Variants in SH3RF2 observed in about 807,000 individuals in gnomAD.
The protein encoded by SH3RF2 is SH3 domain containing ring finger 2, also known as E3 ubiquitin-protein ligase SH3RF2.
SH3RF2 carries 43 observed loss-of-function variants against 59.0 expected under a neutral mutation model. That is an observed-to-expected ratio of 0.73 (90% CI 0.57 to 0.94). The LOEUF is 0.94. Ranked by LOEUF, SH3RF2 falls within the 40% of genes least tolerant of loss-of-function variation. The probability of loss-of-function intolerance (pLI) is 0.00; values close to 1 mark genes in which losing one functional copy is unlikely to be tolerated. For missense variants in SH3RF2, 930 were observed against 940.1 expected (o/e 0.99, Z 0.14); for synonymous variants, 391 against 391.5 (o/e 1.00, Z 0.01).
At chr5:146,047,733 T>C in intron 5 of SH3RF2, 39 bp from the exon 6 acceptor site, 1 of 1,599,344 alleles carries the variant, frequency 6.3e-7, no homozygotes, top group Non-Finnish European at 8.6e-7. Context: ...GGTTGTGGCA[T>C]TCATTGGTTC....
chr5:145,979,146 G>T (rs1325393117), intron 2 of SH3RF2, among the ~76,000 whole-genome samples: 1 of 152,140 alleles, frequency 6.6e-6, no homozygotes, highest in South Asian at 2.1e-4. Context: ...TAGAACAATA[G>T]TTCCCAAAGT....
intron 2 of SH3RF2, among the ~76,000 whole-genome samples, chr5:145,939,712 G>A (rs1757739431): frequency 6.6e-6 from 1 of 152,110 alleles, no homozygotes. Flanking sequence ...GGCGAAGTAG[G>A]GGTGGGGAAG....
chr5:146,063,496 A>G (rs1478192164), downstream of SH3RF2, among the ~76,000 whole-genome samples: 2 of 152,258 alleles, frequency 1.3e-5, no homozygotes, highest in East Asian at 3.8e-4. Context: ...TCTGACTTCA[A>G]GAAAACACAG....
intron 4 of SH3RF2, among the ~76,000 whole-genome samples, chr5:146,009,729 T>C (rs1760798226): frequency 6.6e-6 from 1 of 152,190 alleles, no homozygotes; most frequent in Admixed American, 6.6e-5. Flanking sequence ...AAAATGGACA[T>C]AATAATGCTC....
At chr5:146,023,947 T>G (rs1761430463) in intron 5 of SH3RF2, among the ~76,000 whole-genome samples, 1 of 152,254 alleles carries the variant, frequency 6.6e-6, no homozygotes, top group South Asian at 2.1e-4. Flanking sequence ...TACTCATTCC[T>G]TTTTATGGCA....
At chr5:146,080,407 A>G (rs184242121) in exon 10 of SH3RF2, 3 of 152,298 alleles carry the variant, frequency 2.0e-5, no homozygotes, top group African/African-American at 4.8e-5. Flanking sequence ...TAGACCAAAG[A>G]GAATCTCTAT....
At chr5:146,057,805 T>C (rs961636039) in intron 8 of SH3RF2, among the ~76,000 whole-genome samples, 1 of 152,050 alleles carries the variant, frequency 6.6e-6, no homozygotes, top group Non-Finnish European at 1.5e-5. Flanking sequence ...AAACCAAGTA[T>C]GGTGGCACTT....
intron 5 of SH3RF2, among the ~76,000 whole-genome samples, chr5:146,044,045 A>G (rs1762214011): frequency 6.6e-6 from 1 of 152,186 alleles, no homozygotes; most frequent in Non-Finnish European, 1.5e-5. Context: ...GTTTTCCAAC[A>G]TGGCCTGTAC....
At chr5:146,006,411 AC>A (rs1760647458) in intron 4 of SH3RF2, among the ~76,000 whole-genome samples, 2 of 152,038 alleles carry the variant, frequency 1.3e-5, no homozygotes, top group Admixed American at 6.6e-5. Context: ...ACAGAGCAAG[AC>A]CCTATCTCAA....
At chr5:145,980,645 T>C (rs1264143911) in intron 2 of SH3RF2, among the ~76,000 whole-genome samples, 1 of 152,198 alleles carries the variant, frequency 6.6e-6, no homozygotes, top group African/African-American at 2.4e-5. Context: ...AGAAAACACG[T>C]AATGTAAATC....
chr5:146,035,635 C>T (rs557031765), intron 5 of SH3RF2, among the ~76,000 whole-genome samples: 30 of 152,298 alleles, frequency 2.0e-4, no homozygotes, highest in African/African-American at 6.7e-4. Context: ...TGCTGCTTTC[C>T]CTCATCCACC....
chr5:145,949,552 C>G (rs1415367245), intron 2 of SH3RF2, among the ~76,000 whole-genome samples: 2 of 152,214 alleles, frequency 1.3e-5, no homozygotes, highest in Admixed American at 1.3e-4. Flanking sequence ...CCCTTCCCAG[C>G]TCTCTGGAGA....
chr5:146,023,649 G>A (rs963036265), intron 5 of SH3RF2, among the ~76,000 whole-genome samples: 31 of 152,056 alleles, frequency 2.0e-4, no homozygotes, highest in African/African-American at 7.5e-4. Context: ...CAATTCAATG[G>A]CTTTTAATAT....
intron 2 of SH3RF2, among the ~76,000 whole-genome samples, chr5:145,970,413 G>T (rs1561716338): frequency 6.6e-6 from 1 of 152,026 alleles, no homozygotes; most frequent in East Asian, 1.9e-4. Context: ...TAGAATCAGG[G>T]TCTCCAACTC....
At chr5:146,009,048 T>C (rs1182141605) in intron 4 of SH3RF2, among the ~76,000 whole-genome samples, 1 of 152,204 alleles carries the variant, frequency 6.6e-6, no homozygotes, top group Non-Finnish European at 1.5e-5. Context: ...ACTGGAGTTG[T>C]TTTCCAGTTG....
chr5:146,022,464 T>C (rs1761359161), intron 5 of SH3RF2, among the ~76,000 whole-genome samples: 1 of 152,168 alleles, frequency 6.6e-6, no homozygotes, highest in Non-Finnish European at 1.5e-5. Flanking sequence ...ACCTTGCCTC[T>C]TGGATTATTT....
In SH3RF2 at chr5:146,057,984, C is replaced by CTATATATA. The variant is rs751628879; in HGVS notation, c.1555+1777_1555+1784dup. On this transcript the variant is annotated intron_variant, in intron 8 of 9. Transcript: ENST00000359120. ...TCTCTCTCTCTATCTATCTATCTAT[C>CTATATATA]TATATATATATATTTGATTTAAAAA... is the stretch of plus-strand genomic sequence containing the variant. Among the ~76,000 whole-genome samples, 631 of 145,716 alleles carry CTATATATA rather than the reference C, an allele frequency of 4.3e-3. 10 individuals carry two copies. The highest frequency in any genetic ancestry group is 0.015 in the African/African-American group (573 of 37,672).
chr5:146,024,138 G>A lies in SH3RF2; in HGVS notation c.1059+10077G>A, dbSNP rs10039545. ...AACTGTTAGATCATATAGTAACTCT[G>A]TGTTTAAGGAACTGCCAATGATTTT... On this transcript the variant is annotated intron_variant, in intron 5 of 9. Transcript: ENST00000359120. 8.9e-3 allele frequency among the ~76,000 whole-genome samples: 1,361 copies of A among 152,298 alleles called. 16 individuals are homozygous for A. The highest frequency in any genetic ancestry group is 0.031 in the African/African-American group (1,274 of 41,564).
At chr5:146,072,335 A>G (rs746197002) in intron 9 of SH3RF2, among the ~76,000 whole-genome samples, 1 of 152,204 alleles carries the variant, frequency 6.6e-6, no homozygotes, top group Non-Finnish European at 1.5e-5. Flanking sequence ...GCAGGATGAC[A>G]TGGGCTTGAA....
Sources: allele counts gnomAD v4.1 joint callset (sites outside exome capture counted in the v4.1 genomes callset), GRCh38; gene constraint gnomAD v4.1.1; transcripts MANE v1.5; gene names NCBI Gene and HGNC (gene_info 2026-07-23, HGNC 2026-07-21).